ACY3: variants seen among roughly 807,000 people sequenced by gnomAD.
ACY3 encodes the protein N-acyl-aromatic-L-amino acid amidohydrolase (carboxylate-forming).
In ACY3, 20 loss-of-function variants were observed where a neutral mutation model predicts 24.6. That is an observed-to-expected ratio of 0.81 (90% CI 0.57 to 1.18). The LOEUF (loss-of-function observed/expected upper bound fraction) is 1.18. Among genes scored for constraint, ACY3 ranks in the 50% most tolerant of loss-of-function variants. The pLI, the probability that ACY3 is intolerant of heterozygous loss-of-function variation, is 0.00. For missense variants in ACY3, 423 were observed against 426.8 expected (o/e 0.99, Z 0.08); for synonymous variants, 174 against 188.4 (o/e 0.92, Z 0.62).
At position 67,645,011 on chromosome 11, in the gene ACY3, G is replaced by T. The variant is rs76762450; in HGVS notation, c.634+34C>A. 1,975 of 1,607,430 alleles carry T rather than the reference G, an allele frequency of 1.2e-3. 33 individuals are homozygous for T. In the African/African-American group the frequency reaches 0.023, roughly 18 times the overall value. ...CCCTGAGCCAGACCTGCTCTTCCCC[G>T]GACCTGTTTCCCGAAAGTCCCCTGG... On this transcript the variant is annotated intron_variant, in intron 6 of 7. Coordinates refer to ENST00000255082, the MANE Select transcript of ACY3 (RefSeq NM_080658.2).
Position 67,642,558 on chromosome 11 carries a change from G to C in ACY3, c.*166C>G, listed in dbSNP as rs1265371404. On this transcript the variant is annotated 3_prime_UTR_variant, in exon 8 of 8. Transcript: ENST00000255082. ...CAGAGGACACAAACCATGGACCTCTGGACATCTTCCATTTTATAGAAAGGG... is the reference window on the plus strand; with the variant it reads ...CAGAGGACACAAACCATGGACCTCTCGACATCTTCCATTTTATAGAAAGGG... 1 of 688,440 alleles carries C rather than the reference G, an allele frequency of 1.5e-6. No homozygotes were observed. Among genetic ancestry groups the C allele is most frequent in the African/African-American group, 1.8e-5 (1 of 56,138 alleles). 42.6% of individuals were successfully genotyped at this position (688,440 alleles called of 1,614,324 possible).
intron 7 of ACY3, among the ~76,000 whole-genome samples, chr11:67,643,375 T>A (rs535439392): frequency 6.6e-6 from 1 of 152,368 alleles, no homozygotes; most frequent in East Asian, 1.9e-4. Flanking sequence ...AAGTACAATA[T>A]GATTCTTTAT....
At position 67,645,699 on chromosome 11, in the gene ACY3, T is replaced by C. The variant is rs540149894; in HGVS notation, c.425A>G (p.His142Arg). 6.2e-7 allele frequency: 1 copy of C among 1,603,148 alleles called. No homozygotes were observed. The highest frequency in any genetic ancestry group is 1.3e-5 in the African/African-American group (1 of 74,786). The change falls in exon 4 of 8, where the codon CAT (histidine) becomes CGT (arginine). Residue 142 changes from histidine to arginine, a missense_variant. His to Arg is a conservative substitution (Grantham distance 29, BLOSUM62 0). Coordinates refer to ENST00000255082, the MANE Select transcript of ACY3 (RefSeq NM_080658.2). ...GCTTGGGGCCGGGGCCACCTGCAGA[T>C]GGCGGCACAGGTGCATGGCAAAGAC... ...HEVFAMHLCR[H>R]LQLQYPELSC...
intron 6 of ACY3, 61 bp downstream of exon 6, chr11:67,644,984 A>G: frequency 6.3e-7 from 1 of 1,591,106 alleles, no homozygotes; most frequent in Non-Finnish European, 8.6e-7. Context: ...TGGCTCCCCA[A>G]CCCCTGAGCC....
In ACY3 at chr11:67,642,915, G is replaced by T; in HGVS notation, c.769C>A (p.Pro257Thr). The T allele has an allele frequency of 3.1e-6, 5 of 1,613,936 alleles. No homozygotes were observed. The highest frequency in any genetic ancestry group is 4.2e-6 in the Non-Finnish European group (5 of 1,180,022). ...AACATCTGGAAGATGGGAGCACCAGGCTGCAGTGGCTGGAAGTCTCGGTCC... is the reference window on the plus strand; with the variant it reads ...AACATCTGGAAGATGGGAGCACCAGTCTGCAGTGGCTGGAAGTCTCGGTCC... Reference protein sequence around the residue: ...LQDRDFQPLQPGAPIFQMFSG... With the variant: ...LQDRDFQPLQTGAPIFQMFSG... Residue 257 changes from proline to threonine, a missense_variant, in exon 8 of 8, where the codon CCT (proline) becomes ACT (threonine). By Grantham distance (38) the Pro-to-Thr change is conservative. Coordinates refer to ENST00000255082, the MANE Select transcript of ACY3 (RefSeq NM_080658.2).
rs750850973 is a variant in ACY3, at chr11:67,647,009, C to G, written c.35G>C (p.Arg12Pro). ...CGTGCCCCCAGTCACAGCCACGCGACGCAGGGGCTCCCGGGGCACAGGCAG... is the reference window on the plus strand; with the variant it reads ...CGTGCCCCCAGTCACAGCCACGCGAGGCAGGGGCTCCCGGGGCACAGGCAG... ...CSLPVPREPL[R>P]RVAVTGGTHG... Residue 12 changes from arginine (R) to proline (P), a missense_variant, in exon 3 of 8, where the codon CGT becomes CCT. Coordinates refer to ENST00000255082, the MANE Select transcript of ACY3 (RefSeq NM_080658.2). 1 of 1,551,792 alleles carries G rather than the reference C, an allele frequency of 6.4e-7. No homozygotes were observed.
chr11:67,644,642 G>A, intron 7 of ACY3, 118 bp downstream of exon 7: 2 of 932,268 alleles, frequency 2.1e-6, no homozygotes, highest in Non-Finnish European at 3.2e-6. Flanking sequence ...ATGCTGGTGA[G>A]CTCGTGGGAG....
rs1194851046 is a variant in ACY3, at chr11:67,644,746, A to G, written c.744+14T>C. The G allele has an allele frequency of 6.5e-7, 1 of 1,547,280 alleles. No homozygotes were observed. Among genetic ancestry groups the G allele is most frequent in the African/African-American group, 1.4e-5 (1 of 72,794 alleles). ...ATCACCCCCCACCACACACACACAC[A>G]CACACACACACACCTGCAGCTGAGG... On this transcript the variant is annotated intron_variant, in intron 7 of 7. Transcript: ENST00000255082.
In ACY3 at chr11:67,646,994, G is replaced by A. The variant is rs754157220; in HGVS notation, c.50C>T (p.Thr17Ile). 7.0e-6 allele frequency: 11 copies of A among 1,562,610 alleles called. No individual in the cohort carries two copies. Among genetic ancestry groups the A allele is most frequent in the Non-Finnish European group, 9.5e-6 (11 of 1,152,606 alleles). ...PREPLRRVAV[T>I]GGTHGNEMSG... is the part of the protein sequence containing the mutation. ...CATCTCGTTGCCATGCGTGCCCCCA[G>A]TCACAGCCACGCGACGCAGGGGCTC... is the stretch of plus-strand genomic sequence containing the variant. The change falls in exon 3 of 8, where the codon ACT becomes ATT. Residue 17 changes from threonine (T) to isoleucine (I), a missense_variant. Physicochemically the swap from Thr to Ile is moderately conservative, Grantham distance 89 (BLOSUM62 -1). Coordinates refer to ENST00000255082, the MANE Select transcript of ACY3 (RefSeq NM_080658.2).
intron 1 of ACY3, among the ~76,000 whole-genome samples, chr11:67,649,489 G>A (rs1032371288): frequency 1.2e-4 from 19 of 152,266 alleles, no homozygotes; most frequent in African/African-American, 4.6e-4. Context: ...ACGGGGTCCA[G>A]GAACCCTCAG....
Position 67,645,869 on chromosome 11 carries a change from G to T in ACY3, c.255C>A (p.Asp85Glu), listed in dbSNP as rs534829539. ...SSFLNSRPTP[D>E]DPYEVTRARE... ...GGGCTCTTGTCACCTCATATGGGTCGTCCGGGGTGGGCCTGGAACTGTGGA... is the reference window on the plus strand; with the variant it reads ...GGGCTCTTGTCACCTCATATGGGTCTTCCGGGGTGGGCCTGGAACTGTGGA... Residue 85 changes from aspartate (D) to glutamate (E), a missense_variant, in exon 4 of 8, where the codon GAC (aspartate) becomes GAA (glutamate). By Grantham distance (45) the Asp-to-Glu change is conservative. Coordinates refer to ENST00000255082, the MANE Select transcript of ACY3 (RefSeq NM_080658.2). 4.4e-6 allele frequency: 7 copies of T among 1,606,554 alleles called. No homozygotes were observed. Among genetic ancestry groups the T allele is most frequent in the Non-Finnish European group, 4.3e-6 (5 of 1,176,152 alleles).
Position 67,645,708 on chromosome 11 carries a change from A to C in ACY3, c.416T>G (p.Leu139Arg). 6.2e-7 allele frequency: 1 copy of C among 1,608,086 alleles called. No homozygotes were observed. The highest frequency in any genetic ancestry group is 1.1e-5 in the South Asian group (1 of 90,328). Residue 139 changes from leucine (L) to arginine (R), a missense_variant, in exon 4 of 8, where the codon CTG becomes CGG. By Grantham distance (102) the Leu-to-Arg change is moderately radical (BLOSUM62 -2). Coordinates refer to ENST00000255082, the MANE Select transcript of ACY3 (RefSeq NM_080658.2). Reference sequence around the variant, plus strand: ...CGGGGCCACCTGCAGATGGCGGCACAGGTGCATGGCAAAGACTTCGTGGGA... The same window carrying C: ...CGGGGCCACCTGCAGATGGCGGCACCGGTGCATGGCAAAGACTTCGTGGGA... Reference protein sequence around the residue: ...KSSHEVFAMHLCRHLQLQYPE... With the variant: ...KSSHEVFAMHRCRHLQLQYPE...
intron 1 of ACY3, among the ~76,000 whole-genome samples, chr11:67,648,275 T>A (rs1855553819): frequency 6.6e-6 from 1 of 152,142 alleles, no homozygotes. Context: ...AGGGGCAGAC[T>A]GTTCAGCGGC....
At chr11:67,644,732 C>CCACACACA (rs3223257) in intron 7 of ACY3, 28 bp downstream of exon 7, 296 of 1,317,432 alleles carry the variant, frequency 2.2e-4, no homozygotes, top group South Asian at 2.6e-4. Flanking sequence ...TCACCCCCCA[C>CCACACACA]CACACACACA....
At chr11:67,647,726 T>A (rs1855545119) in intron 1 of ACY3, 137 bp from the exon 2 acceptor site, 1 of 152,352 alleles carries the variant, frequency 6.6e-6, no homozygotes. Context: ...CGCCCCACGC[T>A]GCTACTTGTG....
At chr11:67,645,914 G>C (rs368992785) in intron 3 of ACY3, 27 bp from the exon 4 acceptor site, 1 of 1,558,550 alleles carries the variant, frequency 6.4e-7, no homozygotes, top group African/African-American at 1.4e-5. Flanking sequence ...GGGGGACACC[G>C]ATCTTCACAG....
chr11:67,645,724 C>G lies in ACY3; in HGVS notation c.400G>C (p.Val134Leu), dbSNP rs1212424577. ...TGGCGGCACAGGTGCATGGCAAAGA[C>G]TTCGTGGGAGGACTTCGCGATTAAG... Reference protein sequence around the residue: ...TCLIAKSSHEVFAMHLCRHLQ... With the variant: ...TCLIAKSSHELFAMHLCRHLQ... The change falls in exon 4 of 8, where the codon GTC becomes CTC. Residue 134 changes from valine (V) to leucine (L), a missense_variant. By Grantham distance (32) the Val-to-Leu change is conservative. Coordinates refer to ENST00000255082, the MANE Select transcript of ACY3 (RefSeq NM_080658.2). 5.0e-6 allele frequency: 8 copies of G among 1,611,918 alleles called. No homozygotes were observed. The highest frequency in any genetic ancestry group is 6.8e-6 in the Non-Finnish European group (8 of 1,179,252).
intron 7 of ACY3, 28 bp downstream of exon 7, chr11:67,644,732 C>CCACA (rs3223257): frequency 0.11 from 137,721 of 1,275,488 alleles, 1,280 homozygotes; most frequent in South Asian, 0.13. Context: ...TCACCCCCCA[C>CCACA]CACACACACA....
chr11:67,645,294 A>AT lies in ACY3; in HGVS notation c.518dup (p.Asn173LysfsTer18), dbSNP rs933428670. 1 of 1,613,216 alleles carries AT rather than the reference A, an allele frequency of 6.2e-7. No individual in the cohort carries two copies. Among genetic ancestry groups the AT allele is most frequent in the Non-Finnish European group, 8.5e-7 (1 of 1,179,904 alleles). On this transcript the variant is annotated frameshift_variant, in exon 5 of 8. Coordinates refer to ENST00000255082, the MANE Select transcript of ACY3 (RefSeq NM_080658.2). LOFTEE classifies it high-confidence loss of function. ...CAGAAGGCTGCGGCCCACCCAGTCC[A>AT]TTTTTGGCCACAGAGTCCAGGTTGT...
Sources: allele counts gnomAD v4.1 joint callset (sites outside exome capture counted in the v4.1 genomes callset), GRCh38; gene constraint gnomAD v4.1.1; transcripts MANE v1.5; gene names NCBI Gene and HGNC (gene_info 2026-07-23, HGNC 2026-07-21).